SCHIP1: variants seen among roughly 807,000 people sequenced by gnomAD.
SCHIP1 encodes schwannomin-interacting protein 1.
A neutral mutation model predicts 29.7 loss-of-function variants in SCHIP1; 8 were observed. That is an observed-to-expected ratio of 0.27 (90% CI 0.16 to 0.49). The LOEUF (loss-of-function observed/expected upper bound fraction) is 0.49, where lower values mean the gene tolerates loss of function less well. SCHIP1 is among the 20% of genes least tolerant of loss of function. The pLI, the probability that SCHIP1 is intolerant of heterozygous loss-of-function variation, is 0.99. For synonymous variants in SCHIP1, 76 were observed against 94.9 expected, an observed-to-expected ratio of 0.80 and a Z score of 1.16; for missense variants, 193 against 294.6, an observed-to-expected ratio of 0.66 and a Z score of 2.52.
chr3:159,476,573 G>C, the SCHIP1 span, among the ~76,000 whole-genome samples: 15 of 151,774 alleles, frequency 9.9e-5, no homozygotes, highest in African/African-American at 1.5e-4. Context: ...AATAGAATAC[G>C]CAACTAAAAA....
At chr3:159,826,623 C>A in the SCHIP1 span, among the ~76,000 whole-genome samples, 1 of 152,146 alleles carries the variant, frequency 6.6e-6, no homozygotes, top group Non-Finnish European at 1.5e-5. Flanking sequence ...AACAAACCAA[C>A]CCTAAAGTCC....
chr3:159,556,719 G>T, the SCHIP1 span, among the ~76,000 whole-genome samples: 11 of 137,844 alleles, frequency 8.0e-5, no homozygotes, highest in African/African-American at 3.0e-4. Context: ...ATTGAACAAT[G>T]AGAACACATG....
chr3:159,715,017 T>G, the SCHIP1 span, among the ~76,000 whole-genome samples: 2 of 152,168 alleles, frequency 1.3e-5, no homozygotes, highest in Non-Finnish European at 2.9e-5. Context: ...TGACACCTCA[T>G]AGGGCTGGGT....
chr3:159,597,950 G>A, the SCHIP1 span, among the ~76,000 whole-genome samples: 1 of 152,132 alleles, frequency 6.6e-6, no homozygotes. Flanking sequence ...GGAAGGGAAA[G>A]CAGGCACCTT....
At chr3:159,664,795 C>G in the SCHIP1 span, among the ~76,000 whole-genome samples, 8,145 of 152,260 alleles carry the variant, frequency 0.053, 469 homozygotes, top group African/African-American at 0.15. Flanking sequence ...GAACACCTAT[C>G]TTGATGGTCA....
At chr3:159,397,568 G>A in the SCHIP1 span, among the ~76,000 whole-genome samples, 1 of 152,148 alleles carries the variant, frequency 6.6e-6, no homozygotes, top group African/African-American at 2.4e-5. Context: ...AGGTCTGTTG[G>A]AGTACCCTGC....
At chr3:159,590,433 G>A in the SCHIP1 span, among the ~76,000 whole-genome samples, 1,215 of 152,048 alleles carry the variant, frequency 8.0e-3, 12 homozygotes, top group African/African-American at 0.028. Flanking sequence ...AAAATTAGCC[G>A]GGCACAGTGG....
chr3:159,830,746 G>A, the SCHIP1 span, among the ~76,000 whole-genome samples: 1 of 152,178 alleles, frequency 6.6e-6, no homozygotes, highest in Non-Finnish European at 1.5e-5. Flanking sequence ...ATAGTAGCCT[G>A]CAAGTACACT....
At chr3:159,717,846 T>C in the SCHIP1 span, among the ~76,000 whole-genome samples, 2 of 152,050 alleles carry the variant, frequency 1.3e-5, no homozygotes, top group East Asian at 1.9e-4. Context: ...TTCCAATCAA[T>C]AGAAAAAGAG....
At chr3:159,677,671 G>A in the SCHIP1 span, among the ~76,000 whole-genome samples, 3 of 152,174 alleles carry the variant, frequency 2.0e-5, no homozygotes, top group African/African-American at 7.2e-5. Flanking sequence ...GAGTCCACCA[G>A]CGTTAGGGAA....
At chr3:159,465,224 C>T in the SCHIP1 span, among the ~76,000 whole-genome samples, 3 of 152,066 alleles carry the variant, frequency 2.0e-5, no homozygotes, top group African/African-American at 7.2e-5. Context: ...AACTGAAAAT[C>T]TGAACAAAAG....
exon 2 of SCHIP1, chr3:159,866,277 T>A (rs751386017): frequency 4.3e-6 from 7 of 1,613,196 alleles, no homozygotes; most frequent in Non-Finnish European, 5.9e-6. Context: ...AAGCCTTTCC[T>A]CCCGGTGAGT....
chr3:159,308,727 G>A, the SCHIP1 span, among the ~76,000 whole-genome samples: 1 of 152,268 alleles, frequency 6.6e-6, no homozygotes, highest in Non-Finnish European at 1.5e-5. Context: ...GTTTATTGCA[G>A]TGCTATTTAC....
chr3:159,367,209 G>A, the SCHIP1 span, among the ~76,000 whole-genome samples: 2 of 152,092 alleles, frequency 1.3e-5, no homozygotes, highest in African/African-American at 2.4e-5. Context: ...CCTGACCAAC[G>A]TGGAGAAACC....
the SCHIP1 span, among the ~76,000 whole-genome samples, chr3:159,779,344 G>A: frequency 1.3e-5 from 2 of 152,096 alleles, no homozygotes; most frequent in Admixed American, 6.6e-5. Context: ...AACCACTAAT[G>A]GGCACCAGGC....
the SCHIP1 span, among the ~76,000 whole-genome samples, chr3:159,629,327 T>G: frequency 6.6e-6 from 1 of 152,324 alleles, no homozygotes; most frequent in South Asian, 2.1e-4. Context: ...CTGAATTTTC[T>G]TTTTCTGGCT....
At chr3:159,607,751 G>A in the SCHIP1 span, among the ~76,000 whole-genome samples, 1 of 152,166 alleles carries the variant, frequency 6.6e-6, no homozygotes, top group African/African-American at 2.4e-5. Context: ...AGGTAGCTGG[G>A]ACAGAGGGTT....
the SCHIP1 span, among the ~76,000 whole-genome samples, chr3:159,470,594 TA>T: frequency 6.6e-6 from 1 of 152,106 alleles, no homozygotes; most frequent in African/African-American, 2.4e-5. Flanking sequence ...ACACACATGA[TA>T]AAATAAAAGA....
chr3:159,697,681 T>C, the SCHIP1 span, among the ~76,000 whole-genome samples: 190 of 152,298 alleles, frequency 1.2e-3, no homozygotes, highest in African/African-American at 4.5e-3. Context: ...GGTACTGATA[T>C]GCATCAACAA....
Sources: allele counts gnomAD v4.1 joint callset (sites outside exome capture counted in the v4.1 genomes callset), GRCh38; gene constraint gnomAD v4.1.1; transcripts MANE v1.5; gene names NCBI Gene and HGNC (gene_info 2026-07-23, HGNC 2026-07-21).